Variants in EGR2 observed in about 807,000 individuals in gnomAD.
EGR2 encodes the protein early growth response 2.
Under a neutral mutation model 21.2 loss-of-function variants are expected in EGR2, and 2 were observed. That is an observed-to-expected ratio of 0.09 (90% CI 0.04 to 0.30). The LOEUF is 0.30. Ranked by LOEUF, EGR2 falls within the 10% of genes least tolerant of loss-of-function variation. The pLI, the probability that EGR2 is intolerant of heterozygous loss-of-function variation, is 1.00. For missense variants in EGR2, 458 were observed against 630.2 expected (o/e 0.73, Z 2.93); for synonymous variants, 282 against 258.2 (o/e 1.09, Z -0.88).
In EGR2 at chr10:62,814,335, C is replaced by T; in HGVS notation, c.303G>A (p.Gln101=). ...CTGGGTAGCAGCTGGCACCAGGGTA[C>T]TGAGGGTCAATGGAGAACTTGCCCA... The part of the protein sequence containing the change: ...TYMGKFSIDP[Q]YPGASCYPEG... The change falls in exon 2 of 2, where the codon CAG becomes CAA. Residue 101 remains glutamine, a synonymous_variant. Coordinates refer to ENST00000242480, the MANE Select transcript of EGR2 (RefSeq NM_000399.5). The surrounding 1 kb of genome is among the most constrained non-coding windows in gnomAD (Gnocchi z 4.8). 2 of 1,614,142 alleles carry T rather than the reference C, an allele frequency of 1.2e-6. No homozygotes were observed. Among genetic ancestry groups the T allele is most frequent in the Non-Finnish European group, 1.7e-6 (2 of 1,180,032 alleles).
chr10:62,818,717 G>C (rs1273824552), upstream of EGR2: 2 of 769,588 alleles, frequency 2.6e-6, no homozygotes, highest in South Asian at 2.0e-5. Context: ...CTCGGGTTAC[G>C]GCCCCCGCCG....
At position 62,813,252 on chromosome 10, in the gene EGR2, G is replaced by T; in HGVS notation, c.1386C>A (p.Gly462=). The change falls in exon 2 of 2, where the codon GGC becomes GGA. Residue 462 remains glycine (G), a synonymous_variant. Coordinates refer to ENST00000242480, the MANE Select transcript of EGR2 (RefSeq NM_000399.5). The surrounding 1 kb of genome is among the most constrained non-coding windows in gnomAD (Gnocchi z 5.7). ...AGGAGCAAGGGGCGAGCGGCCCTCC[G>T]CCAAGACTGCTGCTGTTACTGCTGC... is the stretch of plus-strand genomic sequence containing the variant. ...TLCSSNSSSL[G]GGPLAPCSSR... 1 of 1,566,464 alleles carries T rather than the reference G, an allele frequency of 6.4e-7. No homozygotes were observed.
rs969576126 is a variant in EGR2 at position 62,815,905 on chromosome 10, G to T, written c.125C>A (p.Ala42Asp). The change falls in exon 1 of 2, where the codon GCC (alanine) becomes GAC (aspartate). Residue 42 changes from alanine to aspartate, a missense_variant. Physicochemically the swap from Ala to Asp is moderately radical, Grantham distance 126. This residue lies in a region of EGR2 where 91 missense variants were observed against 105.2 expected (regional missense o/e 0.87). Coordinates refer to ENST00000242480, the MANE Select transcript of EGR2 (RefSeq NM_000399.5). Reference sequence around the variant, plus strand: ...CTGGTCAAAGGGGCCTCCCAGTTCGGCATTGGGAAAGATGGTCACCGACGT... The same window carrying T: ...CTGGTCAAAGGGGCCTCCCAGTTCGTCATTGGGAAAGATGGTCACCGACGT... Reference protein sequence around the residue: ...AATSVTIFPNAELGGPFDQMN... With the variant: ...AATSVTIFPNDELGGPFDQMN... The T allele has an allele frequency of 5.0e-6, 8 of 1,614,174 alleles. No homozygotes were observed. The highest frequency in any genetic ancestry group is 1.7e-5 in the Admixed American group (1 of 60,038).
At position 62,813,160 on chromosome 10, in the gene EGR2, G is replaced by A; in HGVS notation, c.*47C>T. 6.6e-7 allele frequency: 1 copy of A among 1,515,944 alleles called. No homozygotes were observed. The highest frequency in any genetic ancestry group is 8.8e-7 in the Non-Finnish European group (1 of 1,139,734). The allele number at this position is 1,515,944 out of a possible 1,614,324, so 93.9% of individuals were successfully genotyped here. The stretch of plus-strand genomic sequence containing the variant: ...TTGTTGTGCAGCTCCAGTGGACAAA[G>A]GGCCTCCGGGACCTTTGGGAGCTGG... On this transcript the variant is annotated 3_prime_UTR_variant, in exon 2 of 2. Coordinates refer to ENST00000242480, the MANE Select transcript of EGR2 (RefSeq NM_000399.5). This position sits in a 1 kb window ranked among gnomAD's most constrained non-coding sequence, Gnocchi z 5.7.
upstream of EGR2, among the ~76,000 whole-genome samples, chr10:62,816,882 A>C (rs1452492159): frequency 1.3e-5 from 2 of 152,038 alleles, no homozygotes; most frequent in Non-Finnish European, 2.9e-5. Context: ...AACCGCAAGC[A>C]AAAGGAGGCA....
Position 62,812,345 on chromosome 10 carries a change from G to GGC in EGR2, c.*860_*861dup, listed in dbSNP as rs1842129744. 6.6e-6 allele frequency: 1 copy of GGC among 152,578 alleles called. No homozygotes were observed. The highest frequency in any genetic ancestry group is 1.5e-5 in the Non-Finnish European group (1 of 68,010). 9.5% of individuals were successfully genotyped at this position (152,578 alleles called of 1,614,324 possible). ...TTGTAACATTGTCTACATCACACAA[G>GGC]GCACCAAGGACACTTCCAACACAAT... On this transcript the variant is annotated 3_prime_UTR_variant, in exon 2 of 2. Coordinates refer to ENST00000242480, the MANE Select transcript of EGR2 (RefSeq NM_000399.5).
At position 62,812,111 on chromosome 10, in the gene EGR2, AC is replaced by A. The variant is rs1385038639; in HGVS notation, c.*1095del. 1 of 152,814 alleles carries A rather than the reference AC, an allele frequency of 6.5e-6. No homozygotes were observed. Among genetic ancestry groups the A allele is most frequent in the Non-Finnish European group, 1.5e-5 (1 of 68,044 alleles). 9.5% of individuals were successfully genotyped at this position (152,814 alleles called of 1,614,324 possible). ...TTTTCACAACTATTAAGAGCTAATG[AC>A]CAAACAAATCAGCTCCGGTAACATT... On this transcript the variant is annotated 3_prime_UTR_variant, in exon 2 of 2. Transcript: ENST00000242480.
chr10:62,818,637 C>A, upstream of EGR2: 1 of 1,264,222 alleles, frequency 7.9e-7, no homozygotes, highest in African/African-American at 1.5e-5. Flanking sequence ...GTCCGACTCG[C>A]ATCTCGGGCC....
upstream of EGR2, chr10:62,818,589 C>T: frequency 7.8e-7 from 1 of 1,278,604 alleles, no homozygotes; most frequent in Non-Finnish European, 1.0e-6. Flanking sequence ...CCCGCGGCCC[C>T]CGCGCTGACC....
upstream of EGR2, among the ~76,000 whole-genome samples, chr10:62,818,071 G>A (rs746703401): frequency 7.2e-5 from 11 of 152,244 alleles, no homozygotes; most frequent in Non-Finnish European, 1.5e-4. Flanking sequence ...CCCCGGGCCC[G>A]GAGCGGCCCT....
At position 62,816,036 on chromosome 10, in the gene EGR2, C is replaced by T; in HGVS notation, c.-7G>A. Reference sequence around the variant, plus strand: ...CGGCCTTGGCGGTCATCATTTGCTCCTCGCACAACCTGGAGACCCAACTCC... The same window carrying T: ...CGGCCTTGGCGGTCATCATTTGCTCTTCGCACAACCTGGAGACCCAACTCC... On this transcript the variant is annotated 5_prime_UTR_variant, in exon 1 of 2. Coordinates refer to ENST00000242480, the MANE Select transcript of EGR2 (RefSeq NM_000399.5). 3.7e-6 allele frequency: 6 copies of T among 1,614,124 alleles called. No individual in the cohort carries two copies. Among genetic ancestry groups the T allele is most frequent in the Non-Finnish European group, 5.1e-6 (6 of 1,180,016 alleles).
Position 62,813,423 on chromosome 10 carries a change from T to G in EGR2, c.1215A>C (p.Arg405=), listed in dbSNP as rs2132702258. ...TCCTCTCATCACTCCGGGCAAACTT[T>G]CGGCCACAGTAGTCACAGGCGAAGG... The part of the protein sequence containing the change: ...EKPFACDYCG[R]KFARSDERKR... Residue 405 remains arginine, a synonymous_variant, in exon 2 of 2, where the codon CGA becomes CGC. Transcript: ENST00000242480. The surrounding 1 kb of genome is among the most constrained non-coding windows in gnomAD (Gnocchi z 5.7). The G allele has an allele frequency of 6.2e-7, 1 of 1,613,774 alleles. No homozygotes were observed. Among genetic ancestry groups the G allele is most frequent in the Non-Finnish European group, 8.5e-7 (1 of 1,179,780 alleles).
chr10:62,817,241 G>A (rs1413089494), upstream of EGR2, among the ~76,000 whole-genome samples: 1 of 152,080 alleles, frequency 6.6e-6, no homozygotes. This position sits in a 1 kb window ranked among gnomAD's most constrained non-coding sequence, Gnocchi z 4.4. Flanking sequence ...TGGGCGGTCG[G>A]CTGCGTGGGG....
rs548399417 is a variant in EGR2, at chr10:62,813,119, G to A, written c.*88C>T. On this transcript the variant is annotated 3_prime_UTR_variant, in exon 2 of 2. Transcript: ENST00000242480. This position sits in a 1 kb window ranked among gnomAD's most constrained non-coding sequence, Gnocchi z 5.7. ...GCCCAACAAAGGGAGAGAGGGACAG[G>A]AAAGGGTGGTAGTGTTTGTTGTGCA... The A allele has an allele frequency of 7.2e-7, 1 of 1,396,028 alleles. No individual in the cohort carries two copies. Among genetic ancestry groups the A allele is most frequent in the African/African-American group, 1.4e-5 (1 of 69,596 alleles). 86.5% of individuals were successfully genotyped at this position (1,396,028 alleles called of 1,614,324 possible). A position where few individuals can be genotyped will look rare whatever the true frequency, so the allele number is the denominator to read the frequency against.
chr10:62,817,065 G>A (rs1477270444), upstream of EGR2, among the ~76,000 whole-genome samples: 2 of 152,192 alleles, frequency 1.3e-5, no homozygotes, highest in Non-Finnish European at 2.9e-5. The surrounding 1 kb of genome is among the most constrained non-coding windows in gnomAD (Gnocchi z 4.4). Flanking sequence ...GTTTGTTTAA[G>A]TATTTTGGGC....
chr10:62,818,646 C>G (rs759552102), upstream of EGR2: 2 of 1,261,680 alleles, frequency 1.6e-6, no homozygotes, highest in Non-Finnish European at 2.1e-6. Context: ...GCATCTCGGG[C>G]CCTGAGTCCG....
In EGR2 at chr10:62,816,002, T is replaced by G. The variant is rs1842258841; in HGVS notation, c.28A>C (p.Ile10Leu). 6.2e-7 allele frequency: 1 copy of G among 1,614,004 alleles called. No individual in the cohort carries two copies. Among genetic ancestry groups the G allele is most frequent in the Non-Finnish European group, 8.5e-7 (1 of 1,180,040 alleles). The change falls in exon 1 of 2, where the codon ATC becomes CTC. Residue 10 changes from isoleucine to leucine, a missense_variant. Coordinates refer to ENST00000242480, the MANE Select transcript of EGR2 (RefSeq NM_000399.5). ...ACAAAACCACTGAGAGTTACTGGGATTTTGTCTACGGCCTTGGCGGTCATC... is the reference window on the plus strand; with the variant it reads ...ACAAAACCACTGAGAGTTACTGGGAGTTTGTCTACGGCCTTGGCGGTCATC... The part of the protein sequence containing the change: MMTAKAVDK[I>L]PVTLSGFVHQ...
rs1842214509 is a variant in EGR2, at chr10:62,814,552, T to C, written c.170-84A>G. 7.5e-7 allele frequency: 1 copy of C among 1,340,414 alleles called. No homozygotes were observed. The highest frequency in any genetic ancestry group is 1.1e-6 in the Non-Finnish European group (1 of 937,536). The allele number at this position is 1,340,414 out of a possible 1,614,324, so 83.0% of individuals were successfully genotyped here. ...TCTCACCCCCGCTCACATAGGTCCA[T>C]TTCCAAGGCCGAGAGTCTCAGCACT... On this transcript the variant is annotated intron_variant, in intron 1 of 1. Transcript: ENST00000242480. The surrounding 1 kb of genome is among the most constrained non-coding windows in gnomAD (Gnocchi z 4.8).
chr10:62,817,943 A>G (rs1838292726), upstream of EGR2, among the ~76,000 whole-genome samples: 1 of 151,816 alleles, frequency 6.6e-6, no homozygotes, highest in Non-Finnish European at 1.5e-5. This position sits in a 1 kb window ranked among gnomAD's most constrained non-coding sequence, Gnocchi z 4.4. Flanking sequence ...TGCATGACTC[A>G]TTCATGGTCG....
Sources: gnomAD v4.1 joint callset for allele counts (sites outside exome capture counted in the v4.1 genomes callset) on GRCh38, gnomAD v4.1.1 for gene constraint, gnomAD v4.1.1 regional missense constraint, Gnocchi (gnomAD v3.1) non-coding constraint, MANE v1.5 for transcripts, NCBI Gene and HGNC (gene_info 2026-07-23, HGNC 2026-07-21) for gene names.